ABCA10: variants seen among roughly 807,000 people sequenced by gnomAD.
The protein encoded by ABCA10 is ATP-binding cassette sub-family A member 10.
A neutral mutation model predicts 187.5 loss-of-function variants in ABCA10; 169 were observed. The ratio of observed to expected loss-of-function variants is 0.90; its 90% CI spans 0.80 to 1.02. The LOEUF (loss-of-function observed/expected upper bound fraction) is 1.02. ABCA10 is among the 50% of genes least tolerant of loss of function. The pLI is 0.00. For synonymous variants in ABCA10, 574 were observed against 601.8 expected, an observed-to-expected ratio of 0.95 and a Z score of 0.68; for missense variants, 1,727 against 1,812.4, an observed-to-expected ratio of 0.95 and a Z score of 0.86.
At chr17:69,192,919 T>C (rs1319804683) in intron 15 of ABCA10, among the ~76,000 whole-genome samples, 191 bp downstream of exon 15, 1 of 152,244 alleles carries the variant, frequency 6.6e-6, no homozygotes, top group African/African-American at 2.4e-5. Flanking sequence ...TTTGTCCACA[T>C]ACTTTGCCAT....
chr17:69,169,013 G>GAGT (rs1248368588), intron 25 of ABCA10, among the ~76,000 whole-genome samples: 1 of 152,168 alleles, frequency 6.6e-6, no homozygotes, highest in Non-Finnish European at 1.5e-5. Context: ...AATTCCTATT[G>GAGT]AGTACTTCAT....
chr17:69,231,155 T>C (rs761489304), upstream of ABCA10, among the ~76,000 whole-genome samples: 15 of 152,262 alleles, frequency 9.9e-5, no homozygotes, highest in Non-Finnish European at 1.5e-4. Flanking sequence ...ATGCTCTCTC[T>C]CCCAGCTTCT....
intron 27 of ABCA10, among the ~76,000 whole-genome samples, chr17:69,161,630 T>C (rs1001970269): frequency 2.7e-4 from 41 of 152,256 alleles, no homozygotes; most frequent in African/African-American, 8.9e-4. Context: ...GATTTCAAAT[T>C]TGGGGGGCAA....
At position 69,189,966 on chromosome 17, in the gene ABCA10, CATTA is replaced by C. The variant is rs911185814; in HGVS notation, c.2131+388_2131+391del. 1.4e-4 allele frequency among the ~76,000 whole-genome samples: 22 copies of C among 152,226 alleles called. 1 individual carries two copies. The South Asian group carries it at 3.5e-3, about 24-fold the overall frequency. On this transcript the variant is annotated intron_variant, in intron 18 of 38. Transcript: ENST00000690296. ...CTTATTTTATTACTTCTTATTAATA[CATTA>C]ATTAGAATTAGTTTATTAGCTAATT... is the stretch of plus-strand genomic sequence containing the variant.
intron 36 of ABCA10, chr17:69,150,335 C>T: frequency 3.6e-6 from 1 of 280,442 alleles, no homozygotes; most frequent in Non-Finnish European, 6.7e-6. Context: ...TGTTATTGTG[C>T]TATATTTCTT....
upstream of ABCA10, among the ~76,000 whole-genome samples, chr17:69,231,427 C>T (rs1167707869): frequency 1.3e-5 from 2 of 152,138 alleles, no homozygotes; most frequent in East Asian, 3.8e-4. Context: ...CCTCTTAAAA[C>T]TGCTTTTGCT....
intron 25 of ABCA10, among the ~76,000 whole-genome samples, chr17:69,171,658 T>C (rs12943387): frequency 0.56 from 85,025 of 151,878 alleles, 25,287 homozygotes; most frequent in Non-Finnish European, 0.67. Context: ...CCTAGAAACA[T>C]TGTAATGAAA....
chr17:69,154,266 A>G lies in ABCA10; in HGVS notation c.3755T>C (p.Ile1252Thr), dbSNP rs1480249620. 1 of 1,612,408 alleles carries G rather than the reference A, an allele frequency of 6.2e-7. No homozygotes were observed. Among genetic ancestry groups the G allele is most frequent in the Non-Finnish European group, 8.5e-7 (1 of 1,179,556 alleles). ...TGCAGTTGGCTTTGTGCACCCAGTT[A>G]TCATTTTAATGGAAGTACTTTTACC... ...GAGKSTSIKM[I>T]TGCTKPTAGV... Residue 1252 changes from isoleucine to threonine, a missense_variant, in exon 31 of 39, where the codon ATA (isoleucine) becomes ACA (threonine). Physicochemically the swap from Ile to Thr is moderately conservative, Grantham distance 89. Coordinates refer to ENST00000690296, the MANE Select transcript of ABCA10 (RefSeq NM_001377321.1).
At chr17:69,227,980 T>C (rs1173157614) in intron 1 of ABCA10, among the ~76,000 whole-genome samples, 1 of 151,996 alleles carries the variant, frequency 6.6e-6, no homozygotes, top group Admixed American at 6.6e-5. Context: ...GATCATTTGG[T>C]GTCACAACTA....
chr17:69,162,838 C>CATATACAAATACATATACATAT (rs375141032), intron 27 of ABCA10, among the ~76,000 whole-genome samples: 1 of 120,838 alleles, frequency 8.3e-6, no homozygotes, highest in Non-Finnish European at 1.6e-5. Context: ...TATACATATA[C>CATATACAAATACATATACATAT]ATATATATAT....
intron 25 of ABCA10, among the ~76,000 whole-genome samples, chr17:69,172,871 A>T (rs2074308029): frequency 1.3e-5 from 2 of 152,118 alleles, no homozygotes; most frequent in African/African-American, 4.8e-5. Flanking sequence ...GCATTAAAGC[A>T]TAAGAACAAT....
chr17:69,235,883 C>T (rs2074866650), intron 1 of ABCA10, among the ~76,000 whole-genome samples: 1 of 152,086 alleles, frequency 6.6e-6, no homozygotes, highest in Non-Finnish European at 1.5e-5. Context: ...AATTCATTGT[C>T]CCCCAGCACA....
chr17:69,237,631 TAC>T (rs1278304649), intron 1 of ABCA10, among the ~76,000 whole-genome samples: 3 of 152,222 alleles, frequency 2.0e-5, no homozygotes, highest in African/African-American at 7.2e-5. Flanking sequence ...CTGCGGCTAG[TAC>T]AGTTTTCTCA....
intron 3 of ABCA10, among the ~76,000 whole-genome samples, chr17:69,224,945 C>G (rs1038682918): frequency 6.6e-6 from 1 of 151,982 alleles, no homozygotes; most frequent in Admixed American, 6.6e-5. Context: ...ATAATTAAAT[C>G]CTTAAAATTT....
At chr17:69,200,761 G>C (rs1302894829) in intron 10 of ABCA10, among the ~76,000 whole-genome samples, 1 of 152,198 alleles carries the variant, frequency 6.6e-6, no homozygotes, top group East Asian at 1.9e-4. Flanking sequence ...GCCCAGGCTG[G>C]AGTGCAAGTG....
rs548058208 is a variant in ABCA10, at chr17:69,208,143, C to A, written c.1007-6475G>T. On this transcript the variant is annotated intron_variant, in intron 9 of 38. Transcript: ENST00000690296. ...TATAAGAATGTATTAGGAGGCCAGG[C>A]GCGGTGGCTCACGCCTGTAATCCCA... is the stretch of plus-strand genomic sequence containing the variant. Among the ~76,000 whole-genome samples, 117 of 152,092 alleles carry A rather than the reference C, an allele frequency of 7.7e-4. 1 individual carries two copies. Among genetic ancestry groups the A allele is most frequent in the African/African-American group, 2.7e-3 (113 of 41,500 alleles).
intron 25 of ABCA10, among the ~76,000 whole-genome samples, chr17:69,169,529 G>A (rs1011843897): frequency 5.3e-5 from 8 of 152,184 alleles, no homozygotes; most frequent in African/African-American, 1.4e-4. Flanking sequence ...AAAAGTGCAC[G>A]CAAATGCAAA....
Position 69,201,510 on chromosome 17 carries a change from C to A in ABCA10, c.1165G>T (p.Glu389Ter). ...TAATTTCTTAGTTACCTTATGGCTT[C>A]TTTTCCATGGAATTCTGGAGACACC... ...EPVSPEFHGK[E>*]AIRIRNVIKE... The change falls in exon 10 of 39, where the codon GAA (glutamate) becomes TAA (stop). Residue 389 changes from glutamate (E) to a stop codon, truncating the protein, a stop_gained. Coordinates refer to ENST00000690296, the MANE Select transcript of ABCA10 (RefSeq NM_001377321.1). LOFTEE classifies it high-confidence loss of function. 1 of 1,586,088 alleles carries A rather than the reference C, an allele frequency of 6.3e-7. No individual in the cohort carries two copies. The highest frequency in any genetic ancestry group is 1.2e-5 in the South Asian group (1 of 84,926).
intron 25 of ABCA10, among the ~76,000 whole-genome samples, chr17:69,168,781 C>T (rs1003111486): frequency 6.6e-6 from 1 of 152,154 alleles, no homozygotes; most frequent in Non-Finnish European, 1.5e-5. Flanking sequence ...ATGGGACCAA[C>T]AAGATCTGAT....
Sources: gnomAD v4.1 joint callset for allele counts (sites outside exome capture counted in the v4.1 genomes callset) on GRCh38, gnomAD v4.1.1 for gene constraint, MANE v1.5 for transcripts, NCBI Gene and HGNC (gene_info 2026-07-23, HGNC 2026-07-21) for gene names.